Variants in HUNK observed in about 807,000 individuals in gnomAD.
The protein encoded by HUNK is hormonally up-regulated Neu-associated kinase, also known as hormonally up-regulated neu tumor-associated kinase.
In HUNK, 21 loss-of-function variants were observed where a neutral mutation model predicts 61.0. The ratio of observed to expected loss-of-function variants is 0.34; its 90% CI spans 0.24 to 0.50. The LOEUF is 0.50. Ranked by LOEUF, HUNK falls within the 20% of genes least tolerant of loss-of-function variation. The pLI is 0.98. For missense variants in HUNK, 772 were observed against 945.7 expected, an observed-to-expected ratio of 0.82 and a Z score of 2.41; for synonymous variants, 371 against 386.1, an observed-to-expected ratio of 0.96 and a Z score of 0.46.
At chr21:31,926,284 T>C (rs1244026318) in intron 2 of HUNK, among the ~76,000 whole-genome samples, 3 of 152,216 alleles carry the variant, frequency 2.0e-5, no homozygotes, top group Non-Finnish European at 2.9e-5. Context: ...TTTATGTGTG[T>C]GTATATATAT....
chr21:31,956,688 C>T (rs1007954656), intron 4 of HUNK, among the ~76,000 whole-genome samples: 1 of 152,164 alleles, frequency 6.6e-6, no homozygotes, highest in Admixed American at 6.5e-5. Context: ...GTCTCCACTG[C>T]GTCTTTGCCT....
intron 1 of HUNK, among the ~76,000 whole-genome samples, chr21:31,899,547 A>G (rs1017122608): frequency 6.6e-6 from 1 of 152,200 alleles, no homozygotes; most frequent in Non-Finnish European, 1.5e-5. Context: ...CAATGACCCC[A>G]TCTTCAAATA....
chr21:31,984,385 T>C (rs1384100918), intron 8 of HUNK, among the ~76,000 whole-genome samples: 2 of 151,700 alleles, frequency 1.3e-5, no homozygotes, highest in African/African-American at 2.4e-5. Flanking sequence ...CAACTAAAAA[T>C]AAAAGGAAAA....
chr21:31,916,064 T>TA (rs1478697463), intron 1 of HUNK, among the ~76,000 whole-genome samples: 1 of 143,832 alleles, frequency 7.0e-6, no homozygotes, highest in Non-Finnish European at 1.5e-5. Flanking sequence ...TTTTTTTTTT[T>TA]TTTTGAGACG....
chr21:31,959,416 T>C (rs919160955), intron 5 of HUNK, among the ~76,000 whole-genome samples: 2 of 152,216 alleles, frequency 1.3e-5, no homozygotes, highest in South Asian at 4.1e-4. Context: ...CTGTGATTTG[T>C]TTTGTGAGTT....
In HUNK at chr21:32,000,436, T is replaced by C. The variant is rs3746856; in HGVS notation, c.*1252T>C. On this transcript the variant is annotated 3_prime_UTR_variant, in exon 11 of 11. Coordinates refer to ENST00000270112, the MANE Select transcript of HUNK (RefSeq NM_014586.2). ...GTCTCCAGTATTGTGTCTGTGCCCC[T>C]GTGTGTGTTTTGTGGACAGCCGTGT... 250,280 of 398,952 alleles carry C rather than the reference T, an allele frequency of 0.63. 78,779 individuals carry two copies. The highest frequency in any genetic ancestry group is 0.72 in the South Asian group (5,696 of 7,864). 24.7% of individuals were successfully genotyped at this position (398,952 alleles called of 1,614,324 possible). A position where few individuals can be genotyped will look rare whatever the true frequency, so the allele number is the denominator to read the frequency against.
At chr21:31,986,007 G>C (rs927021676) in intron 8 of HUNK, among the ~76,000 whole-genome samples, 3 of 152,134 alleles carry the variant, frequency 2.0e-5, no homozygotes, top group African/African-American at 4.8e-5. Context: ...CCTTTGGAAG[G>C]TGGGCTGTGG....
intron 1 of HUNK, among the ~76,000 whole-genome samples, chr21:31,881,292 C>T (rs1163254320): frequency 8.5e-5 from 13 of 152,136 alleles, no homozygotes; most frequent in Admixed American, 8.5e-4. Context: ...TCATCATTTC[C>T]ATGTGTTGGT....
chr21:31,932,350 T>C (rs2052704287), intron 2 of HUNK, among the ~76,000 whole-genome samples: 1 of 152,138 alleles, frequency 6.6e-6, no homozygotes, highest in African/African-American at 2.4e-5. Flanking sequence ...TCGCACCCTC[T>C]GTCCTGAAGG....
chr21:31,906,438 T>A (rs932260443), intron 1 of HUNK, among the ~76,000 whole-genome samples: 4 of 152,140 alleles, frequency 2.6e-5, no homozygotes, highest in Non-Finnish European at 5.9e-5. Context: ...CGTTGTTGTT[T>A]GTTTAATTGT....
chr21:31,941,157 T>C (rs2052765930), intron 3 of HUNK, among the ~76,000 whole-genome samples: 1 of 152,210 alleles, frequency 6.6e-6, no homozygotes, highest in Admixed American at 6.5e-5. Flanking sequence ...CTCTGGATAA[T>C]TAAACACCAC....
rs534905306 is a variant in HUNK at position 32,000,605 on chromosome 21, C to T, written c.*1421C>T. ...TGGCCTGGAGTCTTCAACTTTTGAC[C>T]GGTGCAGGTGTGACCAGAGACCACC... On this transcript the variant is annotated 3_prime_UTR_variant, in exon 11 of 11. Coordinates refer to ENST00000270112, the MANE Select transcript of HUNK (RefSeq NM_014586.2). 2.0e-4 allele frequency: 78 copies of T among 399,078 alleles called. No homozygotes were observed. Among genetic ancestry groups the T allele is most frequent in the African/African-American group, 6.4e-4 (31 of 48,748 alleles). 24.7% of individuals were successfully genotyped at this position (399,078 alleles called of 1,614,324 possible).
At chr21:31,878,258 CAAA>C (rs59741283) in intron 1 of HUNK, among the ~76,000 whole-genome samples, 6 of 89,928 alleles carry the variant, frequency 6.7e-5, no homozygotes, top group Admixed American at 1.3e-4. Context: ...GACTCCATCT[CAAA>C]AAAAAAAAAA....
intron 3 of HUNK, among the ~76,000 whole-genome samples, chr21:31,945,818 A>T (rs138854153): frequency 1.3e-5 from 2 of 152,174 alleles, no homozygotes; most frequent in East Asian, 3.9e-4. Context: ...CCCGATGTCA[A>T]ATGCTCTCAG....
At position 32,000,557 on chromosome 21, in the gene HUNK, A is replaced by G. The variant is rs946195241; in HGVS notation, c.*1373A>G. On this transcript the variant is annotated 3_prime_UTR_variant, in exon 11 of 11. Coordinates refer to ENST00000270112, the MANE Select transcript of HUNK (RefSeq NM_014586.2). ...CATCAGCACAGGTTGGATAGGGGTT[A>G]GTGTAGGAGACCAGTTACAGAATGG... 1 of 399,188 alleles carries G rather than the reference A, an allele frequency of 2.5e-6. No homozygotes were observed. 24.7% of individuals were successfully genotyped at this position (399,188 alleles called of 1,614,324 possible).
At chr21:31,893,229 G>C (rs531562102) in intron 1 of HUNK, among the ~76,000 whole-genome samples, 21 of 152,092 alleles carry the variant, frequency 1.4e-4, no homozygotes, top group Non-Finnish European at 2.6e-4. Context: ...GGCTTTGGGG[G>C]TGGTGGCAAT....
In HUNK at chr21:31,963,356, C is replaced by T. The variant is rs564171796; in HGVS notation, c.874+4386C>T. ...TTTTATTTAGTATAAGACGCACCCC[C>T]CCTACAAAAAGTTGGAGGTATTATC... On this transcript the variant is annotated intron_variant, in intron 5 of 10. Transcript: ENST00000270112. Among the ~76,000 whole-genome samples, 3 of 152,254 alleles carry T rather than the reference C, an allele frequency of 2.0e-5. No individual in the cohort carries two copies. The South Asian group carries it at 6.2e-4, about 32-fold the overall frequency.
chr21:31,983,543 C>G lies in HUNK; in HGVS notation c.1191C>G (p.Asp397Glu). 1 of 1,613,766 alleles carries G rather than the reference C, an allele frequency of 6.2e-7. No individual in the cohort carries two copies. Among genetic ancestry groups the G allele is most frequent in the African/African-American group, 1.3e-5 (1 of 75,046 alleles). Residue 397 changes from aspartate (D) to glutamate (E), a missense_variant, in exon 8 of 11, where the codon GAC becomes GAG. This residue lies in a region of HUNK where 413 missense variants were observed against 444.4 expected (regional missense o/e 0.93). Transcript: ENST00000270112. ...RYLSGKSDIQ[D>E]SLCYKTRLYQ... ...TCTGGTAGAAATCTGACATCCAGGA[C>G]AGCCTCTGCTACAAGACCCGGCTCT...
intron 2 of HUNK, among the ~76,000 whole-genome samples, chr21:31,925,054 G>T (rs2052650762): frequency 6.6e-6 from 1 of 152,126 alleles, no homozygotes; most frequent in South Asian, 2.1e-4. Context: ...CTGCCACAAT[G>T]CCTGGCTAAC....
Sources: allele counts gnomAD v4.1 joint callset (sites outside exome capture counted in the v4.1 genomes callset), GRCh38; gene constraint gnomAD v4.1.1; regional missense constraint gnomAD v4.1.1; transcripts MANE v1.5; gene names NCBI Gene and HGNC (gene_info 2026-07-23, HGNC 2026-07-21).